The following AFF2 variants were observed in gnomAD, a reference collection of about 807,000 sequenced individuals.
AFF2 encodes AF4/FMR2 family member 2.
A neutral mutation model predicts 76.9 loss-of-function variants in AFF2; 14 were observed. The observed-to-expected ratio is 0.18, with a 90% CI of 0.12 to 0.28. AFF2 has a LOEUF of 0.28. AFF2 is among the 10% of genes least tolerant of loss of function. The pLI is 1.00. For synonymous variants in AFF2, 398 were observed against 366.7 expected (o/e 1.09, Z -0.98); for missense variants, 868 against 1,001.1 (o/e 0.87, Z 1.79).
intron 3 of AFF2, among the ~76,000 whole-genome samples, chrX:148,707,496 T>A (rs1250218351): frequency 9.1e-6 from 1 of 109,361 alleles, no homozygotes; most frequent in Non-Finnish European, 1.9e-5. Context: ...AATATATATA[T>A]TTTTTTTCCT....
At chrX:148,535,943 C>T (rs2052779879) in intron 1 of AFF2, among the ~76,000 whole-genome samples, 1 of 112,060 alleles carries the variant, frequency 8.9e-6, no homozygotes, top group Non-Finnish European at 1.9e-5. Flanking sequence ...CCCCCTCATT[C>T]CCATTCCCAC....
At chrX:148,503,082 A>G (rs73638158) in intron 1 of AFF2, among the ~76,000 whole-genome samples, 11,573 of 112,142 alleles carry the variant, frequency 0.1, 1,462 homozygotes, top group African/African-American at 0.35. Flanking sequence ...CTGATTAATT[A>G]GTGTAACGCA....
chrX:148,632,426 C>T (rs990971091), intron 1 of AFF2, among the ~76,000 whole-genome samples: 9 of 111,617 alleles, frequency 8.1e-5, no homozygotes, highest in African/African-American at 2.9e-4. Flanking sequence ...GTAGTCATTA[C>T]ACCCGGAGAA....
At chrX:148,837,099 C>A (rs1278835778) in intron 4 of AFF2, among the ~76,000 whole-genome samples, 5 of 111,635 alleles carry the variant, frequency 4.5e-5, no homozygotes, top group African/African-American at 1.6e-4. Flanking sequence ...ACAGATCACA[C>A]GTGGAACAGG....
chrX:148,625,966 C>T (rs1255130178), intron 1 of AFF2, among the ~76,000 whole-genome samples: 2 of 111,771 alleles, frequency 1.8e-5, no homozygotes, highest in African/African-American at 6.5e-5. Flanking sequence ...CAGAGGTGCA[C>T]GAGTTATATT....
intron 7 of AFF2, among the ~76,000 whole-genome samples, chrX:148,859,700 ATAATTAAAAATTAAAATATT>A (rs1458499400): frequency 4.5e-5 from 5 of 111,905 alleles, no homozygotes; most frequent in Admixed American, 1.9e-4. Flanking sequence ...ATTAAAATGT[ATAATTAAAAATTAAAATATT>A]TAATTAAAAA....
intron 3 of AFF2, among the ~76,000 whole-genome samples, chrX:148,709,792 C>T (rs1018025647): frequency 9.0e-6 from 1 of 111,673 alleles, no homozygotes; most frequent in Non-Finnish European, 1.9e-5. Flanking sequence ...GTCAGGAAGG[C>T]ATTATTACTT....
chrX:148,962,135 C>T (rs2072116387), intron 12 of AFF2, among the ~76,000 whole-genome samples: 1 of 112,711 alleles, frequency 8.9e-6, no homozygotes, highest in Non-Finnish European at 1.9e-5. Context: ...AGGTCAGAGG[C>T]TCATTATGCT....
intron 3 of AFF2, among the ~76,000 whole-genome samples, chrX:148,770,999 A>G (rs1354760222): frequency 8.9e-6 from 1 of 111,884 alleles, no homozygotes; most frequent in Non-Finnish European, 1.9e-5. Flanking sequence ...CATGCTGAAT[A>G]CCTGCTTTCT....
rs1251217371 is a variant in AFF2 at position 148,999,501 on chromosome X, G to A, written c.*8169G>A. On this transcript the variant is annotated 3_prime_UTR_variant, in exon 21 of 21. Transcript: ENST00000370460. The stretch of plus-strand genomic sequence containing the variant: ...GAATTTAATTGTCATCATATGCTTT[G>A]TGTGTGGGGATGCTTACCAACACCA... 6 of 112,409 alleles carry A rather than the reference G, an allele frequency of 5.3e-5. No homozygotes were observed. The highest frequency in any genetic ancestry group is 5.6e-5 in the Non-Finnish European group (3 of 53,261). 9.3% of individuals were successfully genotyped at this position (112,409 alleles called of 1,213,427 possible).
At chrX:148,735,766 CT>C (rs1168380478) in intron 3 of AFF2, among the ~76,000 whole-genome samples, 1 of 111,085 alleles carries the variant, frequency 9.0e-6, no homozygotes, top group Middle Eastern at 4.2e-3. Context: ...TCCCTCACCC[CT>C]CTCCCACTCT....
In AFF2 at chrX:148,716,040, T is replaced by A. The variant is rs782503225; in HGVS notation, c.1041+53272T>A. Among the ~76,000 whole-genome samples, 3 of 111,546 alleles carry A rather than the reference T, an allele frequency of 2.7e-5. No homozygotes were observed. The South Asian group carries it at 1.1e-3, about 42-fold the overall frequency. ...GTGTGTGTGTGTATTCACAACCACA[T>A]TATATATATTATTTTGCATAGGTGC... is the stretch of plus-strand genomic sequence containing the variant. On this transcript the variant is annotated intron_variant, in intron 3 of 20. Transcript: ENST00000370460.
intron 9 of AFF2, among the ~76,000 whole-genome samples, chrX:148,952,879 A>T (rs1451435158): frequency 3.6e-5 from 4 of 111,503 alleles, no homozygotes; most frequent in Non-Finnish European, 7.5e-5. Flanking sequence ...TCATTCCCTT[A>T]TTCATGCACC....
intron 4 of AFF2, among the ~76,000 whole-genome samples, chrX:148,827,477 C>A (rs1410555059): frequency 2.7e-5 from 3 of 111,603 alleles, no homozygotes; most frequent in Admixed American, 1.9e-4. Flanking sequence ...TCCTTCTGCC[C>A]CCCTTTGCCT....
rs1321790699 is a variant in AFF2, at chrX:148,564,471, A to G, written c.47+63327A>G. On this transcript the variant is annotated intron_variant, in intron 1 of 20. Coordinates refer to ENST00000370460, the MANE Select transcript of AFF2 (RefSeq NM_002025.4). Reference sequence around the variant, plus strand: ...TTTGGTAGTTCCCTCTTGATTTGAAAAAAAAAAAAAAAAATCAACGTTACT... The same window carrying G: ...TTTGGTAGTTCCCTCTTGATTTGAAGAAAAAAAAAAAAAATCAACGTTACT... Among the ~76,000 whole-genome samples the G allele has an allele frequency of 1.9e-3, 208 of 108,330 alleles. 1 individual carries two copies. The highest frequency in any genetic ancestry group is 6.8e-3 in the African/African-American group (204 of 29,847). The allele number at this position is 108,330 out of a possible 115,157, so 94.1% of individuals were successfully genotyped here. A position where few individuals can be genotyped will look rare whatever the true frequency, so the allele number is the denominator to read the frequency against.
intron 7 of AFF2, among the ~76,000 whole-genome samples, chrX:148,871,079 G>A (rs782448163): frequency 9.0e-6 from 1 of 111,366 alleles, no homozygotes; most frequent in Non-Finnish European, 1.9e-5. Context: ...TGGGGAGCGG[G>A]TGGGGGGCAG....
intron 20 of AFF2, among the ~76,000 whole-genome samples, chrX:148,988,948 T>C (rs1156952032): frequency 8.9e-6 from 1 of 112,438 alleles, no homozygotes; most frequent in Non-Finnish European, 1.9e-5. Flanking sequence ...GAAGCAGAAA[T>C]CTAGAAGTGT....
intron 7 of AFF2, among the ~76,000 whole-genome samples, chrX:148,875,689 G>A (rs2071028400): frequency 9.0e-6 from 1 of 111,538 alleles, no homozygotes; most frequent in Non-Finnish European, 1.9e-5. Flanking sequence ...TATGCAAAAA[G>A]GGAGTATCCT....
intron 4 of AFF2, among the ~76,000 whole-genome samples, chrX:148,830,260 G>T (rs1273571791): frequency 1.8e-5 from 2 of 112,317 alleles, no homozygotes; most frequent in African/African-American, 6.5e-5. Context: ...TCCGAAGCCT[G>T]CCTGAGGGGG....
Sources: allele counts gnomAD v4.1 joint callset (sites outside exome capture counted in the v4.1 genomes callset), GRCh38; gene constraint gnomAD v4.1.1; transcripts MANE v1.5; gene names NCBI Gene and HGNC (gene_info 2026-07-23, HGNC 2026-07-21).